Variants in AKAP19 observed in about 807,000 individuals in gnomAD.
The protein encoded by AKAP19 is small A-kinase anchoring protein.
At chr2:190,050,431 T>A in the AKAP19 span, among the ~76,000 whole-genome samples, 1 of 152,220 alleles carries the variant, frequency 6.6e-6, no homozygotes, top group Non-Finnish European at 1.5e-5. Context: ...TGGAAGGTAC[T>A]GGGCAGGGCC....
At chr2:189,905,736 G>A in the AKAP19 span, among the ~76,000 whole-genome samples, 2 of 152,032 alleles carry the variant, frequency 1.3e-5, no homozygotes, top group African/African-American at 4.8e-5. Flanking sequence ...GCAAAAGAAA[G>A]CTTGGGAATT....
chr2:189,879,952 G>T, the AKAP19 span: 1 of 152,240 alleles, frequency 6.6e-6, no homozygotes, highest in Non-Finnish European at 1.5e-5. Context: ...TGAACATGTT[G>T]CTGAGAAGGT....
At chr2:190,061,698 G>A in the AKAP19 span, among the ~76,000 whole-genome samples, 1 of 151,948 alleles carries the variant, frequency 6.6e-6, no homozygotes, top group Non-Finnish European at 1.5e-5. Context: ...CAGTGTAATA[G>A]CTCTCAAAAT....
chr2:189,998,877 A>C, the AKAP19 span, among the ~76,000 whole-genome samples: 1 of 147,650 alleles, frequency 6.8e-6, no homozygotes, highest in Non-Finnish European at 1.5e-5. Context: ...AGTTCAAGCA[A>C]TTTTCCTGCC....
chr2:190,061,309 C>A, the AKAP19 span, among the ~76,000 whole-genome samples: 3 of 151,932 alleles, frequency 2.0e-5, no homozygotes, highest in South Asian at 4.1e-4. Flanking sequence ...TCTTGCCATG[C>A]CTTCTCTGTC....
the AKAP19 span, among the ~76,000 whole-genome samples, chr2:190,074,075 G>A: frequency 6.6e-6 from 1 of 150,984 alleles, no homozygotes; most frequent in Non-Finnish European, 1.5e-5. Context: ...AGAATATCTA[G>A]GCTCCATCAC....
At chr2:190,021,703 C>T in the AKAP19 span, among the ~76,000 whole-genome samples, 3 of 152,180 alleles carry the variant, frequency 2.0e-5, no homozygotes, top group South Asian at 6.2e-4. Context: ...TAATGGGCAG[C>T]ATTTGCTGTG....
At chr2:190,183,874 C>G in the AKAP19 span, among the ~76,000 whole-genome samples, 1 of 151,884 alleles carries the variant, frequency 6.6e-6, no homozygotes, top group Non-Finnish European at 1.5e-5. Context: ...GCTTGAAAAT[C>G]ATTTGCTTTT....
the AKAP19 span, among the ~76,000 whole-genome samples, chr2:190,114,168 A>G: frequency 6.6e-6 from 1 of 152,240 alleles, no homozygotes; most frequent in Non-Finnish European, 1.5e-5. Context: ...ATCTATATCC[A>G]TATACCCCAA....
the AKAP19 span, among the ~76,000 whole-genome samples, chr2:190,086,745 A>G: frequency 3.3e-5 from 5 of 152,210 alleles, no homozygotes; most frequent in Non-Finnish European, 7.3e-5. Flanking sequence ...TTGCTCAGAT[A>G]TGGATATGAA....
the AKAP19 span, among the ~76,000 whole-genome samples, chr2:189,904,271 A>G: frequency 6.6e-6 from 1 of 152,062 alleles, no homozygotes; most frequent in Non-Finnish European, 1.5e-5. Flanking sequence ...TCGCAGCAAT[A>G]CTGTAGGTCA....
chr2:190,173,937 C>G, the AKAP19 span, among the ~76,000 whole-genome samples: 1 of 152,090 alleles, frequency 6.6e-6, no homozygotes, highest in Non-Finnish European at 1.5e-5. Context: ...CAGTAAACAA[C>G]CCCCTCCTAG....
the AKAP19 span, among the ~76,000 whole-genome samples, chr2:190,159,789 G>A: frequency 6.6e-6 from 1 of 152,202 alleles, no homozygotes; most frequent in Non-Finnish European, 1.5e-5. Flanking sequence ...AATGAAGAAA[G>A]TATGTGAAAA....
the AKAP19 span, among the ~76,000 whole-genome samples, chr2:189,977,696 G>A: frequency 6.6e-6 from 1 of 152,138 alleles, no homozygotes; most frequent in Admixed American, 6.5e-5. Context: ...GAGTGGTGTA[G>A]GTAGAGAATA....
chr2:190,148,788 T>A, the AKAP19 span, among the ~76,000 whole-genome samples: 1 of 152,198 alleles, frequency 6.6e-6, no homozygotes, highest in Admixed American at 6.5e-5. Flanking sequence ...CTAGTTTATG[T>A]GTGTAAAGGT....
chr2:189,968,866 T>G, the AKAP19 span, among the ~76,000 whole-genome samples: 1 of 151,978 alleles, frequency 6.6e-6, no homozygotes. Flanking sequence ...TATTTGTTTA[T>G]TATACAAATA....
chr2:189,932,682 T>C, the AKAP19 span, among the ~76,000 whole-genome samples: 1 of 146,902 alleles, frequency 6.8e-6, no homozygotes, highest in Non-Finnish European at 1.5e-5. Context: ...CTCCAGCCTG[T>C]GCAACAGAGT....
At chr2:189,983,301 C>T in the AKAP19 span, among the ~76,000 whole-genome samples, 4 of 152,112 alleles carry the variant, frequency 2.6e-5, no homozygotes, top group Admixed American at 6.5e-5. Context: ...TGTGGCAGCG[C>T]CTCTTTTCCC....
chr2:190,060,048 C>T, the AKAP19 span: 3 of 1,609,052 alleles, frequency 1.9e-6, 1 homozygote, highest in South Asian at 2.2e-5. Context: ...ATGTTATTTT[C>T]AGTTATCACT....
Sources: gnomAD v4.1 joint callset for allele counts (sites outside exome capture counted in the v4.1 genomes callset) on GRCh38, gnomAD v4.1.1 for gene constraint, MANE v1.5 for transcripts, NCBI Gene and HGNC (gene_info 2026-07-23, HGNC 2026-07-21) for gene names.